Variants in SEMA6D observed in about 807,000 individuals in gnomAD.
The protein encoded by SEMA6D is semaphorin 6D, also known as semaphorin-6D.
Under a neutral mutation model 106.6 loss-of-function variants are expected in SEMA6D, and 35 were observed. That is an observed-to-expected ratio of 0.33 (90% CI 0.25 to 0.44). The LOEUF is 0.44. Ranked by LOEUF, SEMA6D falls within the 20% of genes least tolerant of loss-of-function variation. The pLI, the probability that SEMA6D is intolerant of heterozygous loss-of-function variation, is 1.00. For synonymous variants in SEMA6D, 499 were observed against 487.7 expected, an observed-to-expected ratio of 1.02 and a Z score of -0.31; for missense variants, 1,185 against 1,345.9, an observed-to-expected ratio of 0.88 and a Z score of 1.87.
At position 47,485,513 on chromosome 15, in the gene SEMA6D, A is replaced by G. The variant is rs180800355; in HGVS notation, c.-87+14968A>G. Among the ~76,000 whole-genome samples, 234 of 152,322 alleles carry G rather than the reference A, an allele frequency of 1.5e-3. 1 individual carries two copies. The highest frequency in any genetic ancestry group is 5.4e-3 in the South Asian group (26 of 4,820). On this transcript the variant is annotated intron_variant, in intron 3 of 19. Transcript: ENST00000558014. ...AGTGAAATAGTCTGGTTTAATCGCA[A>G]ATGAATATATACCAAAGAGAGTCAT...
chr15:47,317,687 C>T (rs901224173), intron 1 of SEMA6D, among the ~76,000 whole-genome samples: 4 of 152,120 alleles, frequency 2.6e-5, no homozygotes, highest in African/African-American at 9.7e-5. Flanking sequence ...CTTCCATTCT[C>T]GTATTGCTCG....
chr15:47,394,368 G>C lies in SEMA6D; in HGVS notation c.-238-18025G>C, dbSNP rs561424818. Among the ~76,000 whole-genome samples, 6 of 152,238 alleles carry C rather than the reference G, an allele frequency of 3.9e-5. No homozygotes were observed. In the Middle Eastern group the frequency reaches 0.014, roughly 345 times the overall value. On this transcript the variant is annotated intron_variant, in intron 1 of 19. Transcript: ENST00000558014. ...TTCAAACACTTGAGCAGTTTACAAT[G>C]GTCTTTTCTCAATTACATTTAATAC...
intron 1 of SEMA6D, among the ~76,000 whole-genome samples, chr15:47,362,481 G>T (rs1050142338): frequency 3.3e-5 from 5 of 152,130 alleles, no homozygotes; most frequent in Non-Finnish European, 7.3e-5. Flanking sequence ...TGACCAGGAT[G>T]ACTTTAAACT....
At position 47,772,357 on chromosome 15, in the gene SEMA6D, C is replaced by CGTGTGTGTGTGTGTGTGTGTGTGT. The variant is rs71432251; in HGVS notation, c.*583_*606dup. The CGTGTGTGTGTGTGTGTGTGTGTGT allele has an allele frequency of 2.8e-5, 4 of 141,638 alleles. No homozygotes were observed. The highest frequency in any genetic ancestry group is 5.4e-5 in the African/African-American group (2 of 37,124). The allele number at this position is 141,638 out of a possible 1,614,324, so 8.8% of individuals were successfully genotyped here. A position where few individuals can be genotyped will look rare whatever the true frequency, so the allele number is the denominator to read the frequency against. ...CACCAACAAACTTGTTGTGTGTGTG[C>CGTGTGTGTGTGTGTGTGTGTGTGT]GTGTGTGTGTGTGTGTGTGTGTGTG... On this transcript the variant is annotated 3_prime_UTR_variant, in exon 19 of 19. Coordinates refer to ENST00000536845, the MANE Select transcript of SEMA6D (RefSeq NM_001358351.3).
At chr15:47,694,055 T>C (rs753069161) in intron 4 of SEMA6D, among the ~76,000 whole-genome samples, 8 of 152,004 alleles carry the variant, frequency 5.3e-5, no homozygotes, top group Non-Finnish European at 8.8e-5. Flanking sequence ...TTTAAAGGAG[T>C]GGTCCTCAAA....
At chr15:47,735,545 G>C (rs1366951940) in intron 1 of SEMA6D, among the ~76,000 whole-genome samples, 1 of 151,630 alleles carries the variant, frequency 6.6e-6, no homozygotes, top group African/African-American at 2.4e-5. Context: ...AAATGGAAAT[G>C]ATAAAAGACA....
At chr15:47,691,930 C>T (rs781297407) in intron 4 of SEMA6D, among the ~76,000 whole-genome samples, 6 of 151,786 alleles carry the variant, frequency 4.0e-5, no homozygotes, top group Non-Finnish European at 7.4e-5. Context: ...TAGATGGAGC[C>T]GTAGAAGAAA....
At chr15:47,195,942 G>GAC (rs11432968) in intron 1 of SEMA6D, among the ~76,000 whole-genome samples, 7 of 151,926 alleles carry the variant, frequency 4.6e-5, no homozygotes, top group African/African-American at 1.2e-4. Flanking sequence ...AGAAAGCAAG[G>GAC]CCCCCCAGGC....
At chr15:47,521,187 A>G (rs1722693376) in intron 3 of SEMA6D, among the ~76,000 whole-genome samples, 1 of 152,190 alleles carries the variant, frequency 6.6e-6, no homozygotes. Flanking sequence ...ACCTGGCTGA[A>G]CACAGGTTGC....
intron 3 of SEMA6D, 150 bp downstream of exon 3, chr15:47,760,565 G>T (rs968441988): frequency 9.5e-6 from 6 of 630,570 alleles, no homozygotes; most frequent in Non-Finnish European, 1.6e-5. Context: ...TCAGTGTTGT[G>T]TACCGGGAAC....
chr15:47,443,529 C>A (rs549034357), intron 2 of SEMA6D, among the ~76,000 whole-genome samples: 1 of 152,258 alleles, frequency 6.6e-6, no homozygotes, highest in East Asian at 1.9e-4. Flanking sequence ...CCCAGCTCCA[C>A]TCACCATCTG....
rs1035411659 is a variant in SEMA6D at position 47,762,824 on chromosome 15, G to A, written c.659-192G>A. Among the ~76,000 whole-genome samples, 2 of 152,144 alleles carry A rather than the reference G, an allele frequency of 1.3e-5. 1 individual carries two copies. The highest frequency in any genetic ancestry group is 1.3e-4 in the Admixed American group (2 of 15,264). ...TAGGTCTTTTTACAGTCCATTAGCT[G>A]ACTTTAGAGATGACTGGTTCCCTGA... is the stretch of plus-strand genomic sequence containing the variant. On this transcript the variant is annotated intron_variant, in intron 8 of 18. Transcript: ENST00000536845.
intron 1 of SEMA6D, among the ~76,000 whole-genome samples, chr15:47,262,775 C>T (rs546690162): frequency 8.4e-4 from 127 of 152,054 alleles, no homozygotes; most frequent in Non-Finnish European, 1.5e-3. Flanking sequence ...GCTGGAGGCA[C>T]CACCCTACCT....
chr15:47,328,360 A>C (rs1390875), intron 1 of SEMA6D, among the ~76,000 whole-genome samples: 151,585 of 152,260 alleles, frequency 1, 75,458 homozygotes, highest in Middle Eastern at 1. Flanking sequence ...TAAGCTTGGA[A>C]CCTGTTCCTG....
At chr15:47,281,357 C>T (rs1345235598) in intron 1 of SEMA6D, among the ~76,000 whole-genome samples, 5 of 134,608 alleles carry the variant, frequency 3.7e-5, no homozygotes, top group Non-Finnish European at 6.3e-5. Context: ...CAACCCCTGC[C>T]TTTTTTTGTT....
intron 1 of SEMA6D, among the ~76,000 whole-genome samples, chr15:47,288,495 A>G (rs972975584): frequency 1.3e-5 from 2 of 152,184 alleles, no homozygotes; most frequent in Non-Finnish European, 2.9e-5. Context: ...AGTTTAAGAA[A>G]TGTATCTCAG....
chr15:47,606,258 A>T (rs940573530), intron 4 of SEMA6D: 1 of 152,154 alleles, frequency 6.6e-6, no homozygotes, highest in Admixed American at 6.6e-5. Context: ...CAGTCCTTAC[A>T]TTTGGATGGG....
intron 1 of SEMA6D, among the ~76,000 whole-genome samples, chr15:47,308,419 T>C (rs1253069653): frequency 6.6e-6 from 1 of 152,198 alleles, no homozygotes; most frequent in Admixed American, 6.5e-5. Flanking sequence ...CATTAAGGCA[T>C]TACCCTTCCT....
intron 1 of SEMA6D, among the ~76,000 whole-genome samples, chr15:47,212,626 CTATA>C (rs1489894305): frequency 6.6e-6 from 1 of 152,166 alleles, no homozygotes; most frequent in Non-Finnish European, 1.5e-5. Flanking sequence ...CCTTTTAAGT[CTATA>C]CTGTTTCTCA....
Sources: gnomAD v4.1 joint callset for allele counts (sites outside exome capture counted in the v4.1 genomes callset) on GRCh38, gnomAD v4.1.1 for gene constraint, MANE v1.5 for transcripts, NCBI Gene and HGNC (gene_info 2026-07-23, HGNC 2026-07-21) for gene names.